Variants in PTPN9 observed in about 807,000 individuals in gnomAD.
PTPN9 encodes tyrosine-protein phosphatase non-receptor type 9.
A neutral mutation model predicts 69.8 loss-of-function variants in PTPN9; 26 were observed. That is an observed-to-expected ratio of 0.37 (90% CI 0.27 to 0.52). The LOEUF (loss-of-function observed/expected upper bound fraction) is 0.52, where lower values mean the gene tolerates loss of function less well. Ranked by LOEUF, PTPN9 falls within the 20% of genes least tolerant of loss-of-function variation. The probability of loss-of-function intolerance (pLI) is 0.91; values close to 1 mark genes in which losing one functional copy is unlikely to be tolerated. For missense variants in PTPN9, 549 were observed against 740.3 expected, an observed-to-expected ratio of 0.74 and a Z score of 3.00; for synonymous variants, 274 against 272.5, an observed-to-expected ratio of 1.01 and a Z score of -0.05.
intron 4 of PTPN9, among the ~76,000 whole-genome samples, chr15:75,520,558 C>T (rs1263201880): frequency 6.6e-6 from 1 of 151,168 alleles, no homozygotes; most frequent in Non-Finnish European, 1.5e-5. Flanking sequence ...GCTTTTGTTG[C>T]CCAGGCTGAA....
intron 11 of PTPN9, 98 bp downstream of exon 11, chr15:75,470,582 C>A: frequency 6.9e-7 from 1 of 1,443,254 alleles, no homozygotes; most frequent in Admixed American, 2.1e-5. Context: ...CAACTCATAA[C>A]TTCCCTGGTA....
At chr15:75,470,105 G>A in intron 11 of PTPN9, 106 bp from the exon 12 acceptor site, 2 of 1,039,474 alleles carry the variant, frequency 1.9e-6, no homozygotes, top group Admixed American at 4.2e-5. Flanking sequence ...TACCACCAAG[G>A]CTCCTATCCA....
chr15:75,503,582 C>T (rs1158401676), intron 7 of PTPN9, among the ~76,000 whole-genome samples: 347 of 135,926 alleles, frequency 2.6e-3, no homozygotes, highest in Non-Finnish European at 3.5e-3. Context: ...CCGCTCCGTC[C>T]GGGAGGGAGG....
At chr15:75,561,863 C>A (rs1029479197) in intron 1 of PTPN9, among the ~76,000 whole-genome samples, 4 of 152,126 alleles carry the variant, frequency 2.6e-5, no homozygotes, top group African/African-American at 9.7e-5. Context: ...GCATGTGCCA[C>A]CATGCCAGGC....
chr15:75,492,047 A>AT (rs968664683), intron 7 of PTPN9, among the ~76,000 whole-genome samples: 6 of 152,132 alleles, frequency 3.9e-5, no homozygotes, highest in African/African-American at 1.4e-4. Flanking sequence ...TAATTTTTAA[A>AT]TTTTTTGTAG....
chr15:75,561,734 A>T (rs2075104857), intron 1 of PTPN9, among the ~76,000 whole-genome samples: 1 of 151,832 alleles, frequency 6.6e-6, no homozygotes, highest in Non-Finnish European at 1.5e-5. Context: ...TTTGAGAAAG[A>T]GTTTCGCTTT....
chr15:75,514,424 C>T (rs2074859615), intron 5 of PTPN9, among the ~76,000 whole-genome samples: 1 of 152,038 alleles, frequency 6.6e-6, no homozygotes, highest in Non-Finnish European at 1.5e-5. Context: ...ACAAAAGATA[C>T]AAAAATCAGT....
intron 1 of PTPN9, among the ~76,000 whole-genome samples, chr15:75,564,116 T>C (rs2075116141): frequency 6.6e-6 from 1 of 151,726 alleles, no homozygotes. Flanking sequence ...TCTCACTTTG[T>C]CACCCAGGCT....
chr15:75,552,635 C>T (rs2075061145), intron 1 of PTPN9, among the ~76,000 whole-genome samples: 1 of 151,388 alleles, frequency 6.6e-6, no homozygotes, highest in Admixed American at 6.6e-5. Flanking sequence ...AGCTGAACAT[C>T]ATAGGATAAG....
intron 8 of PTPN9, among the ~76,000 whole-genome samples, chr15:75,480,278 CAAAAG>C (rs1036252439): frequency 8.6e-5 from 13 of 152,000 alleles, no homozygotes; most frequent in Non-Finnish European, 5.9e-5. Context: ...GCGTAAGTGA[CAAAAG>C]AAAAGAGATA....
At chr15:75,575,162 G>A (rs943693259) in intron 1 of PTPN9, among the ~76,000 whole-genome samples, 1 of 54,518 alleles carries the variant, frequency 1.8e-5, no homozygotes, top group Non-Finnish European at 3.1e-5. Flanking sequence ...TTTAGTAGAG[G>A]CGGGGTTTCA....
chr15:75,565,241 A>T (rs963263715), intron 1 of PTPN9, among the ~76,000 whole-genome samples: 1 of 152,094 alleles, frequency 6.6e-6, no homozygotes, highest in Non-Finnish European at 1.5e-5. Flanking sequence ...TGGTTATGCT[A>T]TAAAACAATT....
At chr15:75,505,645 C>T (rs764255973) in intron 7 of PTPN9, 30 bp downstream of exon 7, 3 of 1,569,336 alleles carry the variant, frequency 1.9e-6, no homozygotes, top group Non-Finnish European at 2.6e-6. Flanking sequence ...TCCTGGTAAC[C>T]AGCTGCTGGC....
rs1334262381 is a variant in PTPN9, at chr15:75,579,228, C to T, written c.-452G>A. On this transcript the variant is annotated 5_prime_UTR_variant, in exon 1 of 13. Transcript: ENST00000618819. ...CACAGCGCCACAGAGCTCGGGGCCG[C>T]CCAGCCGGGCCGTCCTCGCGGACGC... 3.3e-5 allele frequency: 5 copies of T among 152,224 alleles called. No homozygotes were observed. Among genetic ancestry groups the T allele is most frequent in the African/African-American group, 1.2e-4 (5 of 41,456 alleles). 9.4% of individuals were successfully genotyped at this position (152,224 alleles called of 1,614,324 possible).
intron 1 of PTPN9, among the ~76,000 whole-genome samples, chr15:75,552,732 CA>C (rs901851256): frequency 1.3e-5 from 2 of 149,510 alleles, no homozygotes; most frequent in Non-Finnish European, 3.0e-5. Flanking sequence ...CATAACCCCA[CA>C]GTAAGTCAAA....
At chr15:75,509,478 T>G (rs979967237) in intron 5 of PTPN9, among the ~76,000 whole-genome samples, 2 of 152,114 alleles carry the variant, frequency 1.3e-5, no homozygotes, top group African/African-American at 4.8e-5. Flanking sequence ...CACCAGAGGT[T>G]GGGAGTTCAA....
chr15:75,556,369 T>A (rs568311187), intron 1 of PTPN9, among the ~76,000 whole-genome samples: 32 of 151,048 alleles, frequency 2.1e-4, no homozygotes, highest in Admixed American at 4.0e-4. Context: ...GCCTTTTTTT[T>A]AATTATTATT....
chr15:75,554,602 CAT>C (rs942556921), intron 1 of PTPN9, among the ~76,000 whole-genome samples: 10 of 152,192 alleles, frequency 6.6e-5, no homozygotes, highest in African/African-American at 2.4e-4. Context: ...GCTGGAATTA[CAT>C]GTTTGAGCCA....
At chr15:75,521,558 C>T (rs1411274200) in intron 4 of PTPN9, among the ~76,000 whole-genome samples, 2 of 151,672 alleles carry the variant, frequency 1.3e-5, no homozygotes, top group Non-Finnish European at 2.9e-5. Context: ...TTTAAAAAAA[C>T]GGAGAAGCCA....
Sources: gnomAD v4.1 joint callset for allele counts (sites outside exome capture counted in the v4.1 genomes callset) on GRCh38, gnomAD v4.1.1 for gene constraint, MANE v1.5 for transcripts, NCBI Gene and HGNC (gene_info 2026-07-23, HGNC 2026-07-21) for gene names.